Variants in KCNQ3 observed in about 807,000 individuals in gnomAD.
KCNQ3 encodes the protein potassium voltage-gated channel subfamily KQT member 3.
Under a neutral mutation model 92.5 loss-of-function variants are expected in KCNQ3, and 30 were observed. That is an observed-to-expected ratio of 0.32 (90% CI 0.24 to 0.44). The LOEUF (loss-of-function observed/expected upper bound fraction) is 0.44, where lower values mean the gene tolerates loss of function less well. KCNQ3 is among the 20% of genes least tolerant of loss of function. KCNQ3 has a pLI of 1.00. For synonymous variants in KCNQ3, 450 were observed against 468.8 expected, an observed-to-expected ratio of 0.96 and a Z score of 0.52; for missense variants, 913 against 1,140.3, an observed-to-expected ratio of 0.80 and a Z score of 2.87.
intron 1 of KCNQ3, among the ~76,000 whole-genome samples, chr8:132,391,413 G>A (rs75396412): frequency 0.025 from 3,759 of 151,774 alleles, 160 homozygotes; most frequent in African/African-American, 0.086. Flanking sequence ...GTGAGGCGAC[G>A]CCGAGAAGAG....
chr8:132,472,831 T>C (rs1822325719), intron 1 of KCNQ3, among the ~76,000 whole-genome samples: 1 of 152,226 alleles, frequency 6.6e-6, no homozygotes. Flanking sequence ...CTTGACTTCA[T>C]TGTTACACAG....
At chr8:132,243,989 G>T (rs1342783044) in intron 1 of KCNQ3, among the ~76,000 whole-genome samples, 1 of 152,150 alleles carries the variant, frequency 6.6e-6, no homozygotes, top group Non-Finnish European at 1.5e-5. Context: ...GATGCCAGGT[G>T]CTCAGGAAAG....
At chr8:132,174,850 C>T (rs1826496489) in intron 5 of KCNQ3, among the ~76,000 whole-genome samples, 1 of 152,220 alleles carries the variant, frequency 6.6e-6, no homozygotes. Flanking sequence ...GAGCAGTTGA[C>T]AGTGTGGCCT....
chr8:132,184,256 G>T lies in KCNQ3; in HGVS notation c.589C>A (p.Pro197Thr). The T allele has an allele frequency of 6.2e-7, 1 of 1,614,168 alleles. No individual in the cohort carries two copies. The stretch of plus-strand genomic sequence containing the variant: ...CAGGACTTACCCAACATGCACAGGG[G>T]CTTCCTGGCAAACTTCAGTCGGCCC... ...WRGRLKFARK[P>T]LCMLDIFVLI... Residue 197 changes from proline (P) to threonine (T), a missense_variant, in exon 3 of 15, where the codon CCC (proline) becomes ACC (threonine). Around this residue, in one of 6 missense-constraint regions of KCNQ3, gnomAD observed 100 missense variants for 217.6 expected, o/e 0.46. Transcript: ENST00000388996.
At chr8:132,139,508 C>A (rs181573730) in intron 11 of KCNQ3, among the ~76,000 whole-genome samples, 1 of 152,216 alleles carries the variant, frequency 6.6e-6, no homozygotes, top group Admixed American at 6.5e-5. Flanking sequence ...TCACTGCTAC[C>A]TTTATGAAGT....
At chr8:132,163,832 A>T (rs1826064439) in intron 8 of KCNQ3, among the ~76,000 whole-genome samples, 1 of 152,322 alleles carries the variant, frequency 6.6e-6, no homozygotes, top group East Asian at 1.9e-4. Flanking sequence ...AGACCAGGAA[A>T]CCAGGAATGT....
chr8:132,415,428 C>A (rs1314673711), intron 1 of KCNQ3, among the ~76,000 whole-genome samples: 1 of 152,198 alleles, frequency 6.6e-6, no homozygotes, highest in Non-Finnish European at 1.5e-5. Flanking sequence ...CCCCATGAGT[C>A]TGGGAGCTCT....
chr8:132,313,949 A>T (rs1817670641), intron 1 of KCNQ3, among the ~76,000 whole-genome samples: 1 of 152,198 alleles, frequency 6.6e-6, no homozygotes. Context: ...ATGATTAAAC[A>T]CTTAATGAAC....
rs1244105913 is a variant in KCNQ3, at chr8:132,284,223, A to G, written c.387-98042T>C. Among the ~76,000 whole-genome samples, 7 of 152,210 alleles carry G rather than the reference A, an allele frequency of 4.6e-5. 1 individual carries two copies. The highest frequency in any genetic ancestry group is 2.0e-4 in the Admixed American group (3 of 15,278). ...GGGCTTGAGAGTGTCTTTCTAAGAA[A>G]TTGACCCTGGGGCATGAGGAGGCAG... On this transcript the variant is annotated intron_variant, in intron 1 of 14. Transcript: ENST00000388996.
chr8:132,138,551 C>G (rs2469616), intron 11 of KCNQ3, among the ~76,000 whole-genome samples: 126,851 of 152,124 alleles, frequency 0.83, 53,248 homozygotes, highest in Admixed American at 0.91. Flanking sequence ...GAAAAGAAAA[C>G]CTGGTTTCTG....
chr8:132,136,466 GA>G (rs923645588), intron 12 of KCNQ3, among the ~76,000 whole-genome samples: 3 of 151,598 alleles, frequency 2.0e-5, no homozygotes, highest in East Asian at 1.9e-4. Flanking sequence ...TTTAAAAGTA[GA>G]AAAAAAAAAT....
At chr8:132,403,035 G>T (rs1820386569) in intron 1 of KCNQ3, among the ~76,000 whole-genome samples, 1 of 41,796 alleles carries the variant, frequency 2.4e-5, no homozygotes, top group East Asian at 7.3e-4. Context: ...AAAAAAAAGT[G>T]TCAATATTGG....
At chr8:132,421,344 C>T (rs987659712) in intron 1 of KCNQ3, among the ~76,000 whole-genome samples, 2 of 152,250 alleles carry the variant, frequency 1.3e-5, no homozygotes, top group South Asian at 4.2e-4. Flanking sequence ...ACAAATTGTT[C>T]GATAAGAAGT....
At chr8:132,233,963 C>T (rs1814721944) in intron 1 of KCNQ3, among the ~76,000 whole-genome samples, 1 of 152,110 alleles carries the variant, frequency 6.6e-6, no homozygotes, top group Admixed American at 6.5e-5. Flanking sequence ...CAAGTGAACA[C>T]ATAATTTATT....
chr8:132,128,138 A>T lies in KCNQ3; in HGVS notation c.*1124T>A, dbSNP rs1048838626. 1 of 152,150 alleles carries T rather than the reference A, an allele frequency of 6.6e-6. No individual in the cohort carries two copies. Among genetic ancestry groups the T allele is most frequent in the African/African-American group, 2.4e-5 (1 of 41,440 alleles). The allele number at this position is 152,150 out of a possible 1,614,324, so 9.4% of individuals were successfully genotyped here. A position where few individuals can be genotyped will look rare whatever the true frequency, so the allele number is the denominator to read the frequency against. On this transcript the variant is annotated 3_prime_UTR_variant, in exon 15 of 15. Coordinates refer to ENST00000388996, the MANE Select transcript of KCNQ3 (RefSeq NM_004519.4). ...AGTCATATATCTTGACACAATCTCT[A>T]GGATGCATTATATAAATGGAAGAAT...
intron 1 of KCNQ3, among the ~76,000 whole-genome samples, chr8:132,431,428 A>G (rs1485572341): frequency 1.3e-5 from 2 of 152,182 alleles, no homozygotes; most frequent in African/African-American, 4.8e-5. Flanking sequence ...GTCGGGGGAC[A>G]CACAGGCATC....
At chr8:132,265,686 T>C (rs1815958298) in intron 1 of KCNQ3, among the ~76,000 whole-genome samples, 1 of 152,224 alleles carries the variant, frequency 6.6e-6, no homozygotes, top group African/African-American at 2.4e-5. Flanking sequence ...CAAATTGACG[T>C]CATAGCACAT....
intron 1 of KCNQ3, among the ~76,000 whole-genome samples, chr8:132,394,971 C>T (rs1186723271): frequency 6.6e-6 from 1 of 152,184 alleles, no homozygotes; most frequent in African/African-American, 2.4e-5. Flanking sequence ...GGTAATGGGG[C>T]CTGCCTCCCT....
chr8:132,133,905 G>T (rs914090121), intron 13 of KCNQ3, among the ~76,000 whole-genome samples: 2 of 152,204 alleles, frequency 1.3e-5, no homozygotes, highest in African/African-American at 4.8e-5. Context: ...GCTTTGTCCT[G>T]GGAGGGGTAT....
Sources: gnomAD v4.1 joint callset for allele counts (sites outside exome capture counted in the v4.1 genomes callset) on GRCh38, gnomAD v4.1.1 for gene constraint, gnomAD v4.1.1 regional missense constraint, MANE v1.5 for transcripts, NCBI Gene and HGNC (gene_info 2026-07-23, HGNC 2026-07-21) for gene names.